PIK3R6: variants seen among roughly 807,000 people sequenced by gnomAD.
The protein encoded by PIK3R6 is phosphoinositide-3-kinase regulatory subunit 6, also known as phosphoinositide 3-kinase regulatory subunit 6.
Under a neutral mutation model 84.9 loss-of-function variants are expected in PIK3R6, and 91 were observed. The ratio of observed to expected loss-of-function variants is 1.07; its 90% CI spans 0.90 to 1.28. The LOEUF is 1.28. Among genes scored for constraint, PIK3R6 ranks in the 50% most tolerant of loss-of-function variants. The probability of loss-of-function intolerance (pLI) is 0.00; values close to 1 mark genes in which losing one functional copy is unlikely to be tolerated. For synonymous variants in PIK3R6, 416 were observed against 411.4 expected (o/e 1.01, Z -0.13); for missense variants, 996 against 985.1 (o/e 1.01, Z -0.15).
At chr17:8,860,336 T>C (rs1306333395) in intron 1 of PIK3R6, among the ~76,000 whole-genome samples, 2 of 152,126 alleles carry the variant, frequency 1.3e-5, no homozygotes, top group Admixed American at 6.5e-5. Flanking sequence ...CGAACCCTAT[T>C]GTGAACTGCG....
intron 2 of PIK3R6, among the ~76,000 whole-genome samples, chr17:8,841,073 TC>T (rs1185518071): frequency 2.6e-5 from 4 of 152,192 alleles, no homozygotes; most frequent in Non-Finnish European, 4.4e-5. Flanking sequence ...TTTTAGTAGT[TC>T]CTGAATCCAT....
rs558463863 is a variant in PIK3R6, at chr17:8,820,354, G to C, written c.1880-1156C>G. Among the ~76,000 whole-genome samples the C allele has an allele frequency of 9.9e-5, 15 of 151,818 alleles. 2 individuals are homozygous for C. In the South Asian group the frequency reaches 3.1e-3, roughly 32 times the overall value. Reference sequence around the variant, plus strand: ...GGAAGGAATATAGTTTGAACAATAAGAGCTAACATTTATCGTTTACTCTAT... The same window carrying C: ...GGAAGGAATATAGTTTGAACAATAACAGCTAACATTTATCGTTTACTCTAT... On this transcript the variant is annotated intron_variant, in intron 17 of 19. Coordinates refer to ENST00000619866, the MANE Select transcript of PIK3R6 (RefSeq NM_001010855.4).
At chr17:8,858,952 CT>C (rs2089208014) in intron 1 of PIK3R6, among the ~76,000 whole-genome samples, 2 of 152,222 alleles carry the variant, frequency 1.3e-5, no homozygotes, top group African/African-American at 4.8e-5. Context: ...AACAAAGTGC[CT>C]TCTGTGTTGG....
chr17:8,845,988 T>C (rs1175653915), intron 2 of PIK3R6, among the ~76,000 whole-genome samples: 1 of 152,162 alleles, frequency 6.6e-6, no homozygotes, highest in East Asian at 1.9e-4. Flanking sequence ...TAGGTCTCAA[T>C]TGTCGATTTT....
At chr17:8,863,668 G>A (rs1283788853) in intron 1 of PIK3R6, among the ~76,000 whole-genome samples, 1 of 152,106 alleles carries the variant, frequency 6.6e-6, no homozygotes, top group Admixed American at 6.6e-5. Context: ...CCGAGTAGCT[G>A]GGACTACAGG....
At chr17:8,863,708 G>T (rs1198367309) in intron 1 of PIK3R6, among the ~76,000 whole-genome samples, 1 of 152,144 alleles carries the variant, frequency 6.6e-6, no homozygotes. Context: ...CTAATTTTGT[G>T]TATTTTAGTA....
At chr17:8,864,739 G>A (rs1304933296) in intron 1 of PIK3R6, among the ~76,000 whole-genome samples, 5 of 151,630 alleles carry the variant, frequency 3.3e-5, no homozygotes, top group Admixed American at 2.0e-4. Flanking sequence ...GGGTTTCACC[G>A]TGTTGGCCAG....
intron 18 of PIK3R6, among the ~76,000 whole-genome samples, chr17:8,815,292 G>A (rs2087495350): frequency 6.6e-6 from 1 of 152,160 alleles, no homozygotes; most frequent in African/African-American, 2.4e-5. Context: ...CGGACCACGA[G>A]GCCAAGAGAT....
chr17:8,840,999 G>A (rs536564825), intron 2 of PIK3R6, among the ~76,000 whole-genome samples: 22 of 152,098 alleles, frequency 1.4e-4, no homozygotes, highest in Middle Eastern at 3.4e-3. Context: ...TGATCTGCCC[G>A]CCTCGGCCTT....
chr17:8,818,093 C>G (rs60765543), intron 18 of PIK3R6, among the ~76,000 whole-genome samples: 5,558 of 152,082 alleles, frequency 0.037, 357 homozygotes, highest in African/African-American at 0.12. Context: ...TCCGCGTGAG[C>G]GGGAGGTCAT....
At position 8,818,391 on chromosome 17, in the gene PIK3R6, G is replaced by A. The variant is rs565972344; in HGVS notation, c.1995+692C>T. 6.0e-4 allele frequency among the ~76,000 whole-genome samples: 92 copies of A among 152,344 alleles called. 1 individual carries two copies. The highest frequency in any genetic ancestry group is 2.0e-3 in the African/African-American group (84 of 41,570). ...TGGCCAGGCGTGGTGGCTCACACCTGTAATCCCAGCATTTTGGGAGGCTGC... is the reference window on the plus strand; with the variant it reads ...TGGCCAGGCGTGGTGGCTCACACCTATAATCCCAGCATTTTGGGAGGCTGC... On this transcript the variant is annotated intron_variant, in intron 18 of 19. Coordinates refer to ENST00000619866, the MANE Select transcript of PIK3R6 (RefSeq NM_001010855.4).
At chr17:8,837,761 T>A in intron 5 of PIK3R6, 42 bp downstream of exon 5, 1 of 1,538,176 alleles carries the variant, frequency 6.5e-7, no homozygotes, top group South Asian at 1.1e-5. Flanking sequence ...CCCAGCCACA[T>A]GCAGGTCACC....
chr17:8,816,868 A>T (rs1674807814), intron 18 of PIK3R6, among the ~76,000 whole-genome samples: 1 of 152,202 alleles, frequency 6.6e-6, no homozygotes, highest in Non-Finnish European at 1.5e-5. Flanking sequence ...TATAAAAAGG[A>T]TGCCACCTGA....
chr17:8,845,381 T>C (rs1261954318), intron 2 of PIK3R6, among the ~76,000 whole-genome samples: 1 of 152,174 alleles, frequency 6.6e-6, no homozygotes, highest in Non-Finnish European at 1.5e-5. Flanking sequence ...TGGTGTGAGA[T>C]GGTTTTGATT....
Position 8,803,373 on chromosome 17 carries a change from G to A in PIK3R6, c.2165C>T (p.Pro722Leu), listed in dbSNP as rs777945335. The change falls in exon 20 of 20, where the codon CCG (proline) becomes CTG (leucine). Residue 722 changes from proline (P) to leucine (L), a missense_variant. By Grantham distance (98) the Pro-to-Leu change is moderately conservative. Coordinates refer to ENST00000619866, the MANE Select transcript of PIK3R6 (RefSeq NM_001010855.4). The surrounding 1 kb of genome is among the most constrained non-coding windows in gnomAD (Gnocchi z 5.0). ...PCSGAQKSKA[P>L]WLNLHGQQEV... ...CTGTTGCCCATGCAAATTGAGCCAC[G>A]GTGCCTTGGACTTCTGGGCCCCAGA... The A allele has an allele frequency of 4.2e-5, 67 of 1,613,612 alleles. No individual in the cohort carries two copies. Among genetic ancestry groups the A allele is most frequent in the East Asian group, 1.1e-4 (5 of 44,876 alleles).
At position 8,817,382 on chromosome 17, in the gene PIK3R6, G is replaced by A. The variant is rs190813198; in HGVS notation, c.1995+1701C>T. Among the ~76,000 whole-genome samples, 314 of 152,254 alleles carry A rather than the reference G, an allele frequency of 2.1e-3. 1 individual carries two copies. Among genetic ancestry groups the A allele is most frequent in the African/African-American group, 7.1e-3 (297 of 41,552 alleles). Reference sequence around the variant, plus strand: ...ATCTTGGCCAGGCATGGTGGCTCACGCTTGTAATCCCAACACTTTGGGAAG... The same window carrying A: ...ATCTTGGCCAGGCATGGTGGCTCACACTTGTAATCCCAACACTTTGGGAAG... On this transcript the variant is annotated intron_variant, in intron 18 of 19. Coordinates refer to ENST00000619866, the MANE Select transcript of PIK3R6 (RefSeq NM_001010855.4).
rs2088772762 is a variant in PIK3R6 at position 8,844,617 on chromosome 17, T to C, written c.14-4920A>G. 6.6e-6 allele frequency among the ~76,000 whole-genome samples: 1 copy of C among 152,070 alleles called. No individual in the cohort carries two copies. Among genetic ancestry groups the C allele is most frequent in the African/African-American group, 2.4e-5 (1 of 41,436 alleles). On this transcript the variant is annotated intron_variant, in intron 2 of 19. Coordinates refer to ENST00000619866, the MANE Select transcript of PIK3R6 (RefSeq NM_001010855.4). This position sits in a 1 kb window ranked among gnomAD's most constrained non-coding sequence, Gnocchi z 4.5. ...TATTATTATTAATATTAAACTTTTTTTATTTAAAATTTTTTTAACTTTTAT... is the reference window on the plus strand; with the variant it reads ...TATTATTATTAATATTAAACTTTTTCTATTTAAAATTTTTTTAACTTTTAT...
Position 8,813,742 on chromosome 17 carries a change from T to C in PIK3R6, c.1995+5341A>G, listed in dbSNP as rs2087435940. Among the ~76,000 whole-genome samples the C allele has an allele frequency of 2.0e-5, 3 of 152,124 alleles. 1 individual carries two copies. The highest frequency in any genetic ancestry group is 4.1e-4 in the South Asian group (2 of 4,826). On this transcript the variant is annotated intron_variant, in intron 18 of 19. Transcript: ENST00000619866. ...ATAAAAGCCCTTACCAAAGTAGCAA[T>C]AGAAGGAACATATCTCAAAATAATA...
Position 8,803,392 on chromosome 17 carries a change from C to T in PIK3R6, c.2146G>A (p.Ala716Thr), listed in dbSNP as rs374919111. 4.3e-6 allele frequency: 7 copies of T among 1,612,754 alleles called. No homozygotes were observed. Among genetic ancestry groups the T allele is most frequent in the African/African-American group, 1.3e-5 (1 of 75,026 alleles). Residue 716 changes from alanine (A) to threonine (T), a missense_variant, in exon 20 of 20, where the codon GCC (alanine) becomes ACC (threonine). Coordinates refer to ENST00000619866, the MANE Select transcript of PIK3R6 (RefSeq NM_001010855.4). This position sits in a 1 kb window ranked among gnomAD's most constrained non-coding sequence, Gnocchi z 5.0. ...VAPCPEPCSG[A>T]QKSKAPWLNL... ...AGCCACGGTGCCTTGGACTTCTGGG[C>T]CCCAGAACATGGTTCTGGGCAGGGA...
Sources: allele counts gnomAD v4.1 joint callset (sites outside exome capture counted in the v4.1 genomes callset), GRCh38; gene constraint gnomAD v4.1.1; non-coding constraint Gnocchi (gnomAD v3.1); transcripts MANE v1.5; gene names NCBI Gene and HGNC (gene_info 2026-07-23, HGNC 2026-07-21).